TMTC1: variants seen among roughly 807,000 people sequenced by gnomAD.
TMTC1 encodes protein O-mannosyl-transferase TMTC1.
Under a neutral mutation model 104.8 loss-of-function variants are expected in TMTC1, and 73 were observed. The observed-to-expected ratio is 0.70, with a 90% CI of 0.58 to 0.85. TMTC1 has a LOEUF of 0.85. Ranked by LOEUF, TMTC1 falls within the 40% of genes least tolerant of loss-of-function variation. TMTC1 has a pLI of 0.00. For missense variants in TMTC1, 1,035 were observed against 1,096.1 expected (o/e 0.94, Z 0.79); for synonymous variants, 434 against 428.7 (o/e 1.01, Z -0.15).
At chr12:29,626,974 T>C (rs890037584) in intron 6 of TMTC1, among the ~76,000 whole-genome samples, 10 of 152,012 alleles carry the variant, frequency 6.6e-5, no homozygotes, top group East Asian at 1.9e-4. Context: ...TGGTGGTGGG[T>C]GCCTGTAATC....
Position 29,783,544 on chromosome 12 carries a change from G to C in TMTC1, c.208C>G (p.Arg70Gly), listed in dbSNP as rs1306574836. The change falls in exon 1 of 18, where the codon CGC becomes GGC. Residue 70 changes from arginine to glycine, a missense_variant. Arg to Gly is a moderately radical substitution (Grantham distance 125). Transcript: ENST00000539277. This position sits in a 1 kb window ranked among gnomAD's most constrained non-coding sequence, Gnocchi z 4.7. ...AAGTCGTTGGTGAAGATGCCCCAGC[G>C]GAGCGGGGCGCCGGGCCGCACGTCG... ...NPDVRPGAPL[R>G]WGIFTNDFWG... The C allele has an allele frequency of 1.4e-6, 2 of 1,473,900 alleles. No homozygotes were observed. The highest frequency in any genetic ancestry group is 4.5e-5 in the Admixed American group (2 of 44,738). 91.3% of individuals were successfully genotyped at this position (1,473,900 alleles called of 1,614,324 possible).
At chr12:29,723,295 A>G (rs1195605597) in intron 5 of TMTC1, among the ~76,000 whole-genome samples, 12 of 152,222 alleles carry the variant, frequency 7.9e-5, no homozygotes, top group Non-Finnish European at 1.5e-5. Context: ...TTAATAAAAC[A>G]GCAAAGTTTC....
In TMTC1 at chr12:29,774,227, G is replaced by A. The variant is rs1024027337; in HGVS notation, c.303-6152C>T. 4.6e-5 allele frequency among the ~76,000 whole-genome samples: 7 copies of A among 152,020 alleles called. No individual in the cohort carries two copies. In the East Asian group the frequency reaches 5.8e-4, roughly 13 times the overall value. On this transcript the variant is annotated intron_variant, in intron 1 of 17. Transcript: ENST00000539277. ...TGGTAGCTACAATTGTTGATTCTCC[G>A]ATCCCATCCCAAGATATTCCAAGGC... is the stretch of plus-strand genomic sequence containing the variant.
chr12:29,703,485 ATAC>A (rs1296442025), intron 5 of TMTC1, among the ~76,000 whole-genome samples: 2 of 152,326 alleles, frequency 1.3e-5, no homozygotes, highest in Admixed American at 1.3e-4. Context: ...CACCTGCGAA[ATAC>A]TACTATTTTT....
intron 17 of TMTC1, among the ~76,000 whole-genome samples, chr12:29,509,835 G>A (rs1943785747): frequency 6.6e-6 from 1 of 152,138 alleles, no homozygotes; most frequent in East Asian, 1.9e-4. Context: ...TTAATCTCTA[G>A]ACACTTTCCC....
chr12:29,538,198 C>T (rs1446230870), intron 10 of TMTC1, among the ~76,000 whole-genome samples: 1 of 152,198 alleles, frequency 6.6e-6, no homozygotes, highest in Non-Finnish European at 1.5e-5. Context: ...TATTGATTCA[C>T]TCATTTCGTG....
intron 5 of TMTC1, among the ~76,000 whole-genome samples, chr12:29,658,073 A>G (rs1939842396): frequency 6.6e-6 from 1 of 152,204 alleles, no homozygotes; most frequent in African/African-American, 2.4e-5. Flanking sequence ...ACACTGGGAG[A>G]CAGAGTGAGA....
chr12:29,625,391 G>A (rs1937927994), intron 6 of TMTC1, among the ~76,000 whole-genome samples: 1 of 152,186 alleles, frequency 6.6e-6, no homozygotes, highest in Admixed American at 6.5e-5. Flanking sequence ...CTTCTGGTGT[G>A]TAAGCAGATC....
At chr12:29,624,802 T>TGTG (rs1394088451) in intron 6 of TMTC1, among the ~76,000 whole-genome samples, 2 of 152,222 alleles carry the variant, frequency 1.3e-5, no homozygotes, top group Non-Finnish European at 2.9e-5. Flanking sequence ...TTCACTGTGC[T>TGTG]AATCACAGCA....
At chr12:29,664,075 T>C (rs1026427443) in intron 5 of TMTC1, among the ~76,000 whole-genome samples, 1 of 149,882 alleles carries the variant, frequency 6.7e-6, no homozygotes, top group Non-Finnish European at 1.5e-5. Context: ...TAGTCCCAGC[T>C]ACTTGGGAGG....
At chr12:29,536,074 T>A (rs749128718) in intron 11 of TMTC1, 135 bp downstream of exon 11, 10 of 659,326 alleles carry the variant, frequency 1.5e-5, no homozygotes, top group Non-Finnish European at 2.6e-5. Context: ...GTAATTTCTG[T>A]CCAAAAGAAA....
intron 9 of TMTC1, among the ~76,000 whole-genome samples, chr12:29,561,101 C>T (rs901510677): frequency 3.3e-5 from 5 of 151,796 alleles, no homozygotes; most frequent in Non-Finnish European, 7.4e-5. Context: ...TCTCAAGTCA[C>T]TTGAGCCTAG....
intron 8 of TMTC1, among the ~76,000 whole-genome samples, chr12:29,572,900 A>G (rs1173691552): frequency 6.6e-6 from 1 of 152,258 alleles, no homozygotes; most frequent in East Asian, 1.9e-4. Context: ...AATGGTTTTC[A>G]TAAAATGAGA....
At position 29,755,762 on chromosome 12, in the gene TMTC1, A is replaced by G. The variant is rs1338821034; in HGVS notation, c.678T>C (p.Phe226=). 2 of 1,614,160 alleles carry G rather than the reference A, an allele frequency of 1.2e-6. No individual in the cohort carries two copies. Among genetic ancestry groups the G allele is most frequent in the African/African-American group, 2.7e-5 (2 of 75,054 alleles). The change falls in exon 4 of 18, where the codon TTT becomes TTC. Residue 226 remains phenylalanine, a synonymous_variant. Coordinates refer to ENST00000539277, the MANE Select transcript of TMTC1 (RefSeq NM_001193451.2). ...MLVKETGITV[F]GVCLVYDLFS... is the part of the protein sequence containing the mutation. ...AGAGGTCATAAACCAAGCACACTCC[A>G]AACACCGTGATGCCTGTCTCTTTCA... is the stretch of plus-strand genomic sequence containing the variant.
At chr12:29,678,564 T>A (rs1426871004) in intron 5 of TMTC1, among the ~76,000 whole-genome samples, 1 of 151,534 alleles carries the variant, frequency 6.6e-6, no homozygotes, top group Non-Finnish European at 1.5e-5. Flanking sequence ...AGAGATGAGG[T>A]GCCACTAATC....
intron 6 of TMTC1, among the ~76,000 whole-genome samples, chr12:29,618,124 T>C (rs1483513946): frequency 1.3e-5 from 2 of 152,174 alleles, no homozygotes; most frequent in Non-Finnish European, 2.9e-5. Flanking sequence ...TTTGAAAATA[T>C]GGTTGACAGA....
chr12:29,741,171 C>T (rs1012042772), intron 5 of TMTC1, among the ~76,000 whole-genome samples: 7 of 152,098 alleles, frequency 4.6e-5, no homozygotes, highest in Admixed American at 2.6e-4. Flanking sequence ...TGACATTTTC[C>T]ATCATTGCAT....
chr12:29,662,951 C>G (rs376154683), intron 5 of TMTC1, among the ~76,000 whole-genome samples: 2 of 152,318 alleles, frequency 1.3e-5, no homozygotes, highest in East Asian at 3.9e-4. Flanking sequence ...AAATCCCTTT[C>G]ATCTTCCTTA....
chr12:29,673,557 C>T (rs1940598903), intron 5 of TMTC1, among the ~76,000 whole-genome samples: 5 of 151,780 alleles, frequency 3.3e-5, no homozygotes, highest in African/African-American at 7.3e-5. Context: ...GGAAAGTTGC[C>T]AAAGGAACTA....
Sources: allele counts gnomAD v4.1 joint callset (sites outside exome capture counted in the v4.1 genomes callset), GRCh38; gene constraint gnomAD v4.1.1; non-coding constraint Gnocchi (gnomAD v3.1); transcripts MANE v1.5; gene names NCBI Gene and HGNC (gene_info 2026-07-23, HGNC 2026-07-21).